Variants in ECPAS observed in about 807,000 individuals in gnomAD.
ECPAS encodes proteasome adapter and scaffold protein ECM29.
A neutral mutation model predicts 255.1 loss-of-function variants in ECPAS; 70 were observed. The observed-to-expected ratio is 0.27, with a 90% CI of 0.23 to 0.33. The LOEUF (loss-of-function observed/expected upper bound fraction) is 0.33, where lower values mean the gene tolerates loss of function less well. Ranked by LOEUF, ECPAS falls within the 10% of genes least tolerant of loss-of-function variation. The probability of loss-of-function intolerance (pLI) is 1.00; values close to 1 mark genes in which losing one functional copy is unlikely to be tolerated. For missense variants in ECPAS, 1,817 were observed against 2,206.4 expected (o/e 0.82, Z 3.54); for synonymous variants, 784 against 775.0 (o/e 1.01, Z -0.19).
chr9:111,476,105 G>A (rs1180614224), intron 1 of ECPAS, among the ~76,000 whole-genome samples: 1 of 152,170 alleles, frequency 6.6e-6, no homozygotes, highest in Non-Finnish European at 1.5e-5. Flanking sequence ...AGTTTCCCAT[G>A]GCTATGTCAA....
At chr9:111,473,050 G>T in intron 1 of ECPAS, 50 bp from the exon 2 acceptor site, 1 of 459,050 alleles carries the variant, frequency 2.2e-6, no homozygotes, top group Non-Finnish European at 3.0e-6. Context: ...TATATGCATA[G>T]CTACAATTTT....
In ECPAS at chr9:111,375,210, A is replaced by G. The variant is rs754951680; in HGVS notation, c.4021-8T>C. ...ATCAAGGTATTGCAGGCACTTTTGA[A>G]AAAGGACAAATATAAAGGTAAGCCT... is the stretch of plus-strand genomic sequence containing the variant. On this transcript the variant is annotated splice_region_variant and splice_polypyrimidine_tract_variant and intron_variant, in intron 37 of 49. Transcript: ENST00000684092. 1.2e-6 allele frequency: 2 copies of G among 1,610,774 alleles called. No homozygotes were observed. Among genetic ancestry groups the G allele is most frequent in the South Asian group, 1.1e-5 (1 of 91,002 alleles).
chr9:111,483,397 C>T, intron 1 of ECPAS: 2 of 413,066 alleles, frequency 4.8e-6, no homozygotes, highest in South Asian at 9.9e-5. Flanking sequence ...CCGCGGCCGC[C>T]GCCCGCCCAC....
chr9:111,475,758 T>C (rs1256354238), intron 1 of ECPAS, among the ~76,000 whole-genome samples: 1 of 148,358 alleles, frequency 6.7e-6, no homozygotes, highest in African/African-American at 2.5e-5. Flanking sequence ...AAACCCAGAA[T>C]GCAGTGAAAG....
At chr9:111,382,373 T>C (rs1564505443) in intron 35 of ECPAS, among the ~76,000 whole-genome samples, 1 of 150,424 alleles carries the variant, frequency 6.6e-6, no homozygotes, top group Non-Finnish European at 1.5e-5. Context: ...CAAGCGACTC[T>C]CCTGCCTCAG....
intron 18 of ECPAS, among the ~76,000 whole-genome samples, chr9:111,415,647 C>T (rs1305644829): frequency 1.3e-5 from 2 of 150,744 alleles, no homozygotes; most frequent in African/African-American, 2.4e-5. Context: ...TGCAATGAAC[C>T]GAGATCACGC....
At chr9:111,455,561 C>T (rs979214037) in intron 2 of ECPAS, among the ~76,000 whole-genome samples, 3 of 152,228 alleles carry the variant, frequency 2.0e-5, no homozygotes, top group Admixed American at 6.5e-5. Context: ...ACCTGGATTT[C>T]AGCAGGGTTC....
intron 24 of ECPAS, among the ~76,000 whole-genome samples, chr9:111,401,000 G>A (rs1464591049): frequency 6.6e-6 from 1 of 152,124 alleles, no homozygotes; most frequent in Non-Finnish European, 1.5e-5. Flanking sequence ...ATGAAGAGAG[G>A]ATCCTCAAAG....
rs1395463440 is a variant in ECPAS, at chr9:111,410,206, A to T, written c.2385T>A (p.Phe795Leu). 6.2e-7 allele frequency: 1 copy of T among 1,609,278 alleles called. No individual in the cohort carries two copies. The highest frequency in any genetic ancestry group is 8.5e-7 in the Non-Finnish European group (1 of 1,178,384). ...CCAGGAGGGGTGATGTACTGTCCAAAAATGAGCCTGTAAGCACATTTAGCC... is the reference window on the plus strand; with the variant it reads ...CCAGGAGGGGTGATGTACTGTCCAATAATGAGCCTGTAAGCACATTTAGCC... ...IQSATETIGS[F>L]LDSTSPLLAI... The change falls in exon 23 of 50, where the codon TTT becomes TTA. Residue 795 changes from phenylalanine (F) to leucine (L), a missense_variant. Physicochemically the swap from Phe to Leu is conservative, Grantham distance 22. Transcript: ENST00000684092.
chr9:111,408,820 C>T (rs755401374), intron 23 of ECPAS, 148 bp from the exon 24 acceptor site: 9 of 478,242 alleles, frequency 1.9e-5, no homozygotes, highest in African/African-American at 4.0e-5. Flanking sequence ...ATTTTACAGT[C>T]GTATGTCTGT....
chr9:111,407,432 A>AC (rs2098186552), intron 24 of ECPAS, among the ~76,000 whole-genome samples: 3 of 142,760 alleles, frequency 2.1e-5, no homozygotes, highest in African/African-American at 7.5e-5. Context: ...AAAAAAAAAA[A>AC]AAAAAACCTA....
intron 7 of ECPAS, 116 bp downstream of exon 7, chr9:111,436,824 A>C: frequency 1.1e-6 from 1 of 914,060 alleles, no homozygotes. Flanking sequence ...GCTTCTTTCA[A>C]ACATATTTCA....
intron 3 of ECPAS, among the ~76,000 whole-genome samples, chr9:111,450,524 C>T (rs1201197699): frequency 6.6e-6 from 1 of 152,176 alleles, no homozygotes; most frequent in Non-Finnish European, 1.5e-5. Flanking sequence ...AGGAATAAAA[C>T]CTGACCATAG....
intron 1 of ECPAS, 74 bp from the exon 2 acceptor site, chr9:111,473,074 G>T: frequency 2.8e-6 from 1 of 354,360 alleles, no homozygotes; most frequent in Non-Finnish European, 4.1e-6. Flanking sequence ...AAAAAAATAA[G>T]CACTTTTCAT....
At chr9:111,460,917 G>A (rs2098272344) in intron 2 of ECPAS, among the ~76,000 whole-genome samples, 1 of 152,126 alleles carries the variant, frequency 6.6e-6, no homozygotes, top group Non-Finnish European at 1.5e-5. Flanking sequence ...ACACTAAAAA[G>A]CTGATCCTAG....
At chr9:111,462,957 G>T (rs1026195911) in intron 2 of ECPAS, among the ~76,000 whole-genome samples, 1 of 152,014 alleles carries the variant, frequency 6.6e-6, no homozygotes, top group South Asian at 2.1e-4. Flanking sequence ...GGTCAGGCTG[G>T]TCTCAAACTC....
chr9:111,412,677 A>G (rs1346526991), intron 20 of ECPAS, among the ~76,000 whole-genome samples: 6 of 152,330 alleles, frequency 3.9e-5, no homozygotes, highest in East Asian at 1.9e-4. Flanking sequence ...TAGCATGACA[A>G]CCTCTCATCT....
At chr9:111,388,476 C>T (rs887401364) in intron 31 of ECPAS, among the ~76,000 whole-genome samples, 84 of 150,616 alleles carry the variant, frequency 5.6e-4, no homozygotes, top group African/African-American at 2.0e-3. Flanking sequence ...CAGCCTAGTA[C>T]CAGACAGGAG....
At chr9:111,466,203 T>C (rs1589231999) in intron 2 of ECPAS, among the ~76,000 whole-genome samples, 1 of 151,750 alleles carries the variant, frequency 6.6e-6, no homozygotes, top group South Asian at 2.1e-4. Flanking sequence ...AATCCCAGCA[T>C]TTTGGGAGGC....
Sources: allele counts gnomAD v4.1 joint callset (sites outside exome capture counted in the v4.1 genomes callset), GRCh38; gene constraint gnomAD v4.1.1; transcripts MANE v1.5; gene names NCBI Gene and HGNC (gene_info 2026-07-23, HGNC 2026-07-21).